MINPP1: variants seen among roughly 807,000 people sequenced by gnomAD.
MINPP1 encodes the protein multiple inositol-polyphosphate phosphatase 1, also known as multiple inositol polyphosphate phosphatase 1.
A neutral mutation model predicts 46.1 loss-of-function variants in MINPP1; 28 were observed. The ratio of observed to expected loss-of-function variants is 0.61; its 90% CI spans 0.45 to 0.83. The LOEUF is 0.83. Among genes scored for constraint, MINPP1 ranks in the 40% least tolerant of loss-of-function variants. The pLI, the probability that MINPP1 is intolerant of heterozygous loss-of-function variation, is 0.00. For synonymous variants in MINPP1, 268 were observed against 249.1 expected (o/e 1.08, Z -0.72); for missense variants, 603 against 610.0 (o/e 0.99, Z 0.12).
chr10:87,544,422 T>G (rs976694110), intron 4 of MINPP1, among the ~76,000 whole-genome samples: 1 of 152,206 alleles, frequency 6.6e-6, no homozygotes, highest in Admixed American at 6.5e-5. Context: ...TTAGACATGA[T>G]TAATTAAACT....
intron 4 of MINPP1, among the ~76,000 whole-genome samples, chr10:87,550,744 C>G (rs1851951594): frequency 6.6e-6 from 1 of 151,886 alleles, no homozygotes; most frequent in Non-Finnish European, 1.5e-5. Context: ...CCCCCACTTT[C>G]ATCTAGACTT....
intron 4 of MINPP1, among the ~76,000 whole-genome samples, chr10:87,524,257 A>G (rs949838727): frequency 2.6e-4 from 40 of 152,244 alleles, no homozygotes; most frequent in African/African-American, 8.9e-4. Flanking sequence ...TGTTATGGAG[A>G]TAGCTTTTTT....
At chr10:87,534,992 A>G (rs1851713220) in intron 4 of MINPP1, among the ~76,000 whole-genome samples, 1 of 152,268 alleles carries the variant, frequency 6.6e-6, no homozygotes, top group African/African-American at 2.4e-5. Flanking sequence ...AACATGGATA[A>G]GAAGTTATAC....
chr10:87,526,520 CT>C (rs1362911298), intron 4 of MINPP1, among the ~76,000 whole-genome samples: 1 of 152,166 alleles, frequency 6.6e-6, no homozygotes, highest in African/African-American at 2.4e-5. Flanking sequence ...ATGGTAGGTT[CT>C]TTTGCCGTGC....
In MINPP1 at chr10:87,552,583, A is replaced by G; in HGVS notation, c.*105A>G. The G allele has an allele frequency of 1.8e-6, 2 of 1,141,086 alleles. No homozygotes were observed. Among genetic ancestry groups the G allele is most frequent in the Middle Eastern group, 5.4e-4 (2 of 3,712 alleles). The allele number at this position is 1,141,086 out of a possible 1,614,324, so 70.7% of individuals were successfully genotyped here. A position where few individuals can be genotyped will look rare whatever the true frequency, so the allele number is the denominator to read the frequency against. On this transcript the variant is annotated 3_prime_UTR_variant, in exon 5 of 5. Transcript: ENST00000371996. Reference sequence around the variant, plus strand: ...TTACAGGAAGCTTTTATATTACTTGAGTATTTCTGTCTTTTCACAGAAAAA... The same window carrying G: ...TTACAGGAAGCTTTTATATTACTTGGGTATTTCTGTCTTTTCACAGAAAAA...
intron 3 of MINPP1, among the ~76,000 whole-genome samples, chr10:87,516,273 A>C (rs867630613): frequency 9.5e-6 from 1 of 104,786 alleles, no homozygotes; most frequent in African/African-American, 2.9e-5. Context: ...AGACACTAAC[A>C]TAAGATAGAT....
At chr10:87,513,597 T>A (rs1012515024) in intron 3 of MINPP1, among the ~76,000 whole-genome samples, 9 of 152,220 alleles carry the variant, frequency 5.9e-5, no homozygotes, top group Non-Finnish European at 1.0e-4. Context: ...TAAATGGGTT[T>A]CCAAAGTCCT....
At chr10:87,535,666 A>AAT (rs1851724264) in intron 4 of MINPP1, among the ~76,000 whole-genome samples, 1 of 151,840 alleles carries the variant, frequency 6.6e-6, no homozygotes, top group Admixed American at 6.6e-5. Context: ...GGTGGCTCAG[A>AAT]CCTGTAATCC....
intron 4 of MINPP1, among the ~76,000 whole-genome samples, chr10:87,537,336 T>C (rs1851750634): frequency 6.6e-6 from 1 of 152,190 alleles, no homozygotes; most frequent in Admixed American, 6.5e-5. Context: ...GCAGGTCTTT[T>C]TAATTTTAAC....
intron 3 of MINPP1, 144 bp downstream of exon 3, chr10:87,513,365 C>A: frequency 1.5e-6 from 1 of 656,532 alleles, no homozygotes; most frequent in Non-Finnish European, 2.7e-6. Context: ...CCTAATTTTC[C>A]TTAAATAAAG....
Position 87,524,327 on chromosome 10 carries a change from C to T in MINPP1, c.1067+3158C>T, listed in dbSNP as rs372017395. Among the ~76,000 whole-genome samples, 10 of 152,304 alleles carry T rather than the reference C, an allele frequency of 6.6e-5. No homozygotes were observed. In the East Asian group the frequency reaches 9.6e-4, roughly 15 times the overall value. On this transcript the variant is annotated intron_variant, in intron 4 of 4. Coordinates refer to ENST00000371996, the MANE Select transcript of MINPP1 (RefSeq NM_004897.5). ...TAACTTTTCTTTTGCAGCTTCCTTA[C>T]CTCTTAGCTTTTCTAGAATTGAGGA...
At chr10:87,532,888 A>G (rs1851679366) in intron 4 of MINPP1, among the ~76,000 whole-genome samples, 1 of 152,100 alleles carries the variant, frequency 6.6e-6, no homozygotes, top group African/African-American at 2.4e-5. Context: ...TTCTCCACAC[A>G]TTGACAGTCA....
At chr10:87,524,021 T>C (rs996380862) in intron 4 of MINPP1, among the ~76,000 whole-genome samples, 2 of 152,212 alleles carry the variant, frequency 1.3e-5, no homozygotes, top group African/African-American at 4.8e-5. Flanking sequence ...CCAGTGAGTA[T>C]TGGCTTCAAC....
At chr10:87,529,040 T>A (rs1052281445) in intron 4 of MINPP1, among the ~76,000 whole-genome samples, 4 of 152,298 alleles carry the variant, frequency 2.6e-5, no homozygotes, top group Non-Finnish European at 5.9e-5. Flanking sequence ...ACCCCTGCTT[T>A]TTTTTGTTTT....
intron 4 of MINPP1, among the ~76,000 whole-genome samples, chr10:87,529,332 T>A (rs577477606): frequency 6.6e-6 from 1 of 152,262 alleles, no homozygotes; most frequent in Non-Finnish European, 1.5e-5. Context: ...GGCTTGTTTT[T>A]GCAGTGGCTG....
chr10:87,509,909 A>G (rs1851310857), intron 2 of MINPP1, among the ~76,000 whole-genome samples: 1 of 152,194 alleles, frequency 6.6e-6, no homozygotes, highest in Admixed American at 6.5e-5. Flanking sequence ...AAGATTTTTT[A>G]AAACTATGTT....
intron 2 of MINPP1, 23 bp downstream of exon 2, chr10:87,508,556 T>C (rs1851289867): frequency 5.0e-6 from 8 of 1,591,714 alleles, no homozygotes; most frequent in Non-Finnish European, 6.9e-6. Context: ...TTGTCTTTTA[T>C]TTGAACTTAA....
At chr10:87,529,072 C>T (rs570435260) in intron 4 of MINPP1, among the ~76,000 whole-genome samples, 5 of 152,184 alleles carry the variant, frequency 3.3e-5, no homozygotes, top group African/African-American at 1.2e-4. Flanking sequence ...GTAGATCTTC[C>T]ACCATCCCTT....
intron 3 of MINPP1, among the ~76,000 whole-genome samples, chr10:87,520,790 C>T (rs1420604855): frequency 6.6e-6 from 1 of 152,100 alleles, no homozygotes. Context: ...TGGCTGTGAG[C>T]ACTTACTGGC....
Sources: allele counts gnomAD v4.1 joint callset (sites outside exome capture counted in the v4.1 genomes callset), GRCh38; gene constraint gnomAD v4.1.1; transcripts MANE v1.5; gene names NCBI Gene and HGNC (gene_info 2026-07-23, HGNC 2026-07-21).